The following TMEM131L variants were observed in gnomAD, a reference collection of about 807,000 sequenced individuals.
TMEM131L encodes the protein transmembrane 131 like.
A neutral mutation model predicts 192.2 loss-of-function variants in TMEM131L; 54 were observed. The ratio of observed to expected loss-of-function variants is 0.28; its 90% CI spans 0.23 to 0.35. The LOEUF is 0.35. Among genes scored for constraint, TMEM131L ranks in the 10% least tolerant of loss-of-function variants. The probability of loss-of-function intolerance (pLI) is 1.00; values close to 1 mark genes in which losing one functional copy is unlikely to be tolerated. For missense variants in TMEM131L, 1,888 were observed against 1,972.9 expected (o/e 0.96, Z 0.82); for synonymous variants, 701 against 704.9 (o/e 0.99, Z 0.09).
At chr4:153,473,115 C>T (rs1038071077) in intron 2 of TMEM131L, among the ~76,000 whole-genome samples, 1 of 152,168 alleles carries the variant, frequency 6.6e-6, no homozygotes, top group Non-Finnish European at 1.5e-5. Context: ...TGTGTCAGGG[C>T]CTGTGTGGGA....
At chr4:153,567,724 G>A (rs1729318790) in intron 7 of TMEM131L, among the ~76,000 whole-genome samples, 1 of 152,010 alleles carries the variant, frequency 6.6e-6, no homozygotes, top group African/African-American at 2.4e-5. Flanking sequence ...TTTGTATTTA[G>A]TAGAGATGGG....
At position 153,583,190 on chromosome 4, in the gene TMEM131L, A is replaced by G. The variant is rs761874846; in HGVS notation, c.893A>G (p.Asp298Gly). Residue 298 changes from aspartate (D) to glycine (G), a missense_variant and splice_region_variant, in exon 10 of 35, where the codon GAT becomes GGT. Coordinates refer to ENST00000409959, the MANE Select transcript of TMEM131L (RefSeq NM_001131007.2). ...YVATDESETS[D>G]DSAVNMYILH... Reference sequence around the variant, plus strand: ...TTAATACTCTGATTCTTTTGGACAGATGATTCAGCAGTAAATATGTATATA... The same window carrying G: ...TTAATACTCTGATTCTTTTGGACAGGTGATTCAGCAGTAAATATGTATATA... 1.4e-6 allele frequency: 2 copies of G among 1,418,366 alleles called. No individual in the cohort carries two copies. Among genetic ancestry groups the G allele is most frequent in the Non-Finnish European group, 2.0e-6 (2 of 1,001,920 alleles). The allele number at this position is 1,418,366 out of a possible 1,614,324, so 87.9% of individuals were successfully genotyped here.
chr4:153,560,674 G>T (rs922085295), intron 7 of TMEM131L, among the ~76,000 whole-genome samples: 1 of 152,122 alleles, frequency 6.6e-6, no homozygotes, highest in African/African-American at 2.4e-5. Flanking sequence ...GAAATGTATG[G>T]TCTTTTGTGA....
In TMEM131L at chr4:153,635,564, G is replaced by C. The variant is rs777534445; in HGVS notation, c.4550G>C (p.Ser1517Thr). The C allele has an allele frequency of 1.9e-6, 3 of 1,614,126 alleles. No individual in the cohort carries two copies. The South Asian group carries it at 3.3e-5, about 18-fold the overall frequency. ...PAAWGHASFISSPPYLTSTRS... is the reference protein window; with the variant it reads ...PAAWGHASFITSPPYLTSTRS... ...GCCTGGGGACATGCCAGTTTCATCA[G>C]CTCTCCGGTCAGTGTTGCCCATCCT... Residue 1517 changes from serine to threonine, a missense_variant, in exon 34 of 35, where the codon AGC becomes ACC. Physicochemically the swap from Ser to Thr is moderately conservative, Grantham distance 58. Coordinates refer to ENST00000409959, the MANE Select transcript of TMEM131L (RefSeq NM_001131007.2).
At chr4:153,580,574 A>C (rs1023023735) in intron 7 of TMEM131L, among the ~76,000 whole-genome samples, 1 of 152,202 alleles carries the variant, frequency 6.6e-6, no homozygotes, top group South Asian at 2.1e-4. Context: ...AGGAATTTTC[A>C]TGTTGCCCGA....
intron 3 of TMEM131L, among the ~76,000 whole-genome samples, chr4:153,519,951 ACAT>A (rs1272170754): frequency 6.6e-6 from 1 of 152,230 alleles, no homozygotes; most frequent in Non-Finnish European, 1.5e-5. Flanking sequence ...AAAGCCCAGT[ACAT>A]CCTAAATGCC....
At chr4:153,561,594 TC>T (rs1280440519) in intron 7 of TMEM131L, among the ~76,000 whole-genome samples, 2 of 152,186 alleles carry the variant, frequency 1.3e-5, no homozygotes, top group Non-Finnish European at 2.9e-5. Flanking sequence ...GTCTGGTAGT[TC>T]CAGTACCATT....
At chr4:153,500,086 C>T (rs962718499) in intron 3 of TMEM131L, among the ~76,000 whole-genome samples, 1 of 151,848 alleles carries the variant, frequency 6.6e-6, no homozygotes, top group Non-Finnish European at 1.5e-5. Context: ...CCCTCTGTCC[C>T]ATCCCTCCCT....
At chr4:153,503,510 A>G (rs1217976020) in intron 3 of TMEM131L, among the ~76,000 whole-genome samples, 1 of 152,244 alleles carries the variant, frequency 6.6e-6, no homozygotes, top group African/African-American at 2.4e-5. Flanking sequence ...AGTAACTAAG[A>G]TATTTTGAAA....
intron 20 of TMEM131L, among the ~76,000 whole-genome samples, chr4:153,597,651 G>C (rs552227795): frequency 1.3e-5 from 2 of 152,242 alleles, no homozygotes; most frequent in East Asian, 3.9e-4. Context: ...ATCATTTCCA[G>C]GCCAGGTGTA....
At chr4:153,563,941 C>T (rs996704473) in intron 7 of TMEM131L, among the ~76,000 whole-genome samples, 2 of 152,006 alleles carry the variant, frequency 1.3e-5, no homozygotes, top group African/African-American at 2.4e-5. Flanking sequence ...GGGGCCCTTG[C>T]GAGGTGACCA....
Position 153,598,534 on chromosome 4 carries a change from A to G in TMEM131L, c.2124-56A>G, listed in dbSNP as rs939381123. The G allele has an allele frequency of 2.7e-5, 39 of 1,457,798 alleles. No individual in the cohort carries two copies. In the African/African-American group the frequency reaches 5.1e-4, roughly 19 times the overall value. The allele number at this position is 1,457,798 out of a possible 1,614,324, so 90.3% of individuals were successfully genotyped here. On this transcript the variant is annotated intron_variant, in intron 20 of 34. Transcript: ENST00000409959. ...ACTGGGAATATTTAAATTTAAGTAC[A>G]TTGTACCTTGTGACTCCATGTAATG... is the stretch of plus-strand genomic sequence containing the variant.
chr4:153,545,410 C>T (rs966653149), intron 3 of TMEM131L, among the ~76,000 whole-genome samples: 1 of 151,896 alleles, frequency 6.6e-6, no homozygotes, highest in African/African-American at 2.4e-5. Context: ...GCCTCAGCCT[C>T]CTGAGTAGCT....
At chr4:153,471,178 G>C (rs1391484905) in intron 2 of TMEM131L, among the ~76,000 whole-genome samples, 1 of 152,122 alleles carries the variant, frequency 6.6e-6, no homozygotes, top group Non-Finnish European at 1.5e-5. Flanking sequence ...AGTAGAGACT[G>C]GGTTTCACTA....
intron 7 of TMEM131L, among the ~76,000 whole-genome samples, chr4:153,574,231 G>GT (rs1561204594): frequency 6.6e-6 from 1 of 152,166 alleles, no homozygotes; most frequent in Non-Finnish European, 1.5e-5. Context: ...CACTTCCTAG[G>GT]TTTTTGCAAA....
chr4:153,636,313 A>G lies in TMEM131L; in HGVS notation c.4570A>G (p.Ser1524Gly), dbSNP rs201195535. ...SFISSPPYLT[S>G]TRSLSPMSGL... ...ATTTATACTTCAGCCCTACCTCACA[A>G]GCACCCGAAGCTTGTCTCCAATGTC... The change falls in exon 35 of 35, where the codon AGC (serine) becomes GGC (glycine). Residue 1524 changes from serine (S) to glycine (G), a missense_variant. Transcript: ENST00000409959. 1.7e-4 allele frequency: 274 copies of G among 1,613,334 alleles called. 5 individuals carry two copies. In the South Asian group the frequency reaches 2.9e-3, roughly 17 times the overall value.
At chr4:153,568,778 A>G (rs999242209) in intron 7 of TMEM131L, among the ~76,000 whole-genome samples, 1 of 152,232 alleles carries the variant, frequency 6.6e-6, no homozygotes, top group African/African-American at 2.4e-5. Flanking sequence ...AGAGATACCT[A>G]ATAAATAACA....
chr4:153,625,195 T>G (rs2126802245), intron 29 of TMEM131L, among the ~76,000 whole-genome samples: 1 of 152,238 alleles, frequency 6.6e-6, no homozygotes, highest in East Asian at 1.9e-4. Flanking sequence ...ACAGATCACT[T>G]GAGGTCAGGA....
intron 3 of TMEM131L, among the ~76,000 whole-genome samples, chr4:153,536,350 A>G (rs1329894172): frequency 6.6e-6 from 1 of 152,236 alleles, no homozygotes; most frequent in Non-Finnish European, 1.5e-5. Context: ...TTACAATTTA[A>G]AAGGAAAACT....
Sources: gnomAD v4.1 joint callset for allele counts (sites outside exome capture counted in the v4.1 genomes callset) on GRCh38, gnomAD v4.1.1 for gene constraint, MANE v1.5 for transcripts, NCBI Gene and HGNC (gene_info 2026-07-23, HGNC 2026-07-21) for gene names.